Variants in FSTL5 observed in about 807,000 individuals in gnomAD.
FSTL5 encodes the protein follistatin like 5, also known as follistatin-related protein 5.
In FSTL5, 62 loss-of-function variants were observed where a neutral mutation model predicts 89.1. That is an observed-to-expected ratio of 0.70 (90% CI 0.57 to 0.86). The LOEUF (loss-of-function observed/expected upper bound fraction) is 0.86. Ranked by LOEUF, FSTL5 falls within the 40% of genes least tolerant of loss-of-function variation. The probability of loss-of-function intolerance (pLI) is 0.00; values close to 1 mark genes in which losing one functional copy is unlikely to be tolerated. For missense variants in FSTL5, 1,057 were observed against 1,001.6 expected (o/e 1.06, Z -0.75); for synonymous variants, 383 against 346.2 (o/e 1.11, Z -1.18).
chr4:161,454,911 GTT>G, intron 15 of FSTL5, 91 bp downstream of exon 15: 3 of 1,194,142 alleles, frequency 2.5e-6, no homozygotes, highest in Non-Finnish European at 3.6e-6. Context: ...ATGTGTATTT[GTT>G]TCATATCTAA....
intron 10 of FSTL5, among the ~76,000 whole-genome samples, chr4:161,523,794 T>C (rs1731113871): frequency 1.3e-5 from 2 of 152,084 alleles, no homozygotes; most frequent in Admixed American, 6.6e-5. Flanking sequence ...TGGTAATAAA[T>C]AAAATACTCA....
rs528785600 is a variant in FSTL5, at chr4:161,751,459, T to C, written c.727+7952A>G. On this transcript the variant is annotated intron_variant, in intron 6 of 15. Transcript: ENST00000306100. ...TGGTGCTGAGTGGTATTTCCCAAAA[T>C]AGCCAGGGGATAGCTATGAACTCTA... Among the ~76,000 whole-genome samples the C allele has an allele frequency of 8.5e-5, 13 of 152,220 alleles. No individual in the cohort carries two copies. In the South Asian group the frequency reaches 1.9e-3, roughly 22 times the overall value.
chr4:161,833,182 T>C (rs933679225), intron 4 of FSTL5, among the ~76,000 whole-genome samples: 40 of 151,986 alleles, frequency 2.6e-4, no homozygotes, highest in African/African-American at 9.4e-4. Flanking sequence ...TCCATGTAGT[T>C]GAGCGGTTTT....
intron 3 of FSTL5, among the ~76,000 whole-genome samples, chr4:161,997,826 G>A (rs931483077): frequency 6.6e-6 from 1 of 151,802 alleles, no homozygotes; most frequent in East Asian, 1.9e-4. Flanking sequence ...GGATGGTCTC[G>A]ATCTCCTGAC....
At chr4:161,936,892 C>G (rs1319826489) in intron 3 of FSTL5, among the ~76,000 whole-genome samples, 1 of 152,118 alleles carries the variant, frequency 6.6e-6, no homozygotes, top group Non-Finnish European at 1.5e-5. Flanking sequence ...CTTTGAAGAA[C>G]TTTTTATGTA....
At chr4:162,089,955 C>T (rs144132244) in intron 2 of FSTL5, among the ~76,000 whole-genome samples, 231 of 152,126 alleles carry the variant, frequency 1.5e-3, no homozygotes, top group African/African-American at 5.3e-3. Flanking sequence ...TTTTTTCCAT[C>T]CGATCTTCAA....
At chr4:161,860,118 C>G (rs1372546664) in intron 4 of FSTL5, among the ~76,000 whole-genome samples, 1 of 152,032 alleles carries the variant, frequency 6.6e-6, no homozygotes, top group Non-Finnish European at 1.5e-5. Context: ...GAAACCCCGT[C>G]TCTACTAAAA....
At chr4:161,441,574 G>A (rs572165777) in intron 15 of FSTL5, among the ~76,000 whole-genome samples, 89 of 152,118 alleles carry the variant, frequency 5.9e-4, no homozygotes, top group African/African-American at 2.1e-3. Flanking sequence ...TTGAACCAGG[G>A]AAAATTTCAC....
At chr4:161,715,000 T>A (rs931304966) in intron 6 of FSTL5, among the ~76,000 whole-genome samples, 1 of 152,150 alleles carries the variant, frequency 6.6e-6, no homozygotes, top group African/African-American at 2.4e-5. Flanking sequence ...GACTATTTTA[T>A]ATAAAACAAA....
At chr4:161,486,607 C>G (rs1033516530) in intron 12 of FSTL5, among the ~76,000 whole-genome samples, 1 of 152,062 alleles carries the variant, frequency 6.6e-6, no homozygotes, top group Non-Finnish European at 1.5e-5. Flanking sequence ...GAGTCCCTAC[C>G]CACTTGTTGT....
intron 6 of FSTL5, among the ~76,000 whole-genome samples, chr4:161,723,027 G>A (rs1245552827): frequency 6.6e-6 from 1 of 152,156 alleles, no homozygotes; most frequent in East Asian, 1.9e-4. Context: ...AAATCGGCAA[G>A]GCCAAGTCAT....
intron 1 of FSTL5, among the ~76,000 whole-genome samples, chr4:162,122,749 T>G (rs770048406): frequency 3.3e-5 from 5 of 152,140 alleles, no homozygotes; most frequent in Non-Finnish European, 7.4e-5. Context: ...ACACTCTTTA[T>G]GTACTTTATT....
chr4:161,947,287 T>C (rs1734763879), intron 3 of FSTL5, among the ~76,000 whole-genome samples: 2 of 150,798 alleles, frequency 1.3e-5, no homozygotes, highest in Admixed American at 1.3e-4. Flanking sequence ...TTGATGTTGC[T>C]TTTTGTGTGC....
intron 4 of FSTL5, among the ~76,000 whole-genome samples, chr4:161,911,909 T>C (rs191187805): frequency 1.2e-4 from 18 of 152,306 alleles, no homozygotes; most frequent in Admixed American, 5.2e-4. Context: ...CATAACTATC[T>C]GGATGATAAG....
chr4:161,753,016 T>C (rs752637243), intron 6 of FSTL5, among the ~76,000 whole-genome samples: 5 of 152,176 alleles, frequency 3.3e-5, no homozygotes, highest in Non-Finnish European at 7.3e-5. Flanking sequence ...TAAATTTCCA[T>C]TGTTGAAGCC....
intron 15 of FSTL5, among the ~76,000 whole-genome samples, chr4:161,437,564 T>TCAAAAAA (rs752658200): frequency 0.43 from 10,690 of 24,934 alleles, 1,346 homozygotes; most frequent in Middle Eastern, 0.5. Flanking sequence ...AGACTCCGTC[T>TCAAAAAA]CAAAAAAAAA....
intron 2 of FSTL5, among the ~76,000 whole-genome samples, chr4:162,045,522 T>G (rs1738136372): frequency 6.6e-6 from 1 of 152,096 alleles, no homozygotes. Context: ...TAATTAAAAA[T>G]TTTTAAAGAG....
At chr4:161,616,693 T>C (rs76130670) in intron 7 of FSTL5, among the ~76,000 whole-genome samples, 231 of 151,924 alleles carry the variant, frequency 1.5e-3, no homozygotes, top group Non-Finnish European at 2.7e-3. Context: ...TTGTGGCCTA[T>C]TGGGGGTGGG....
intron 4 of FSTL5, among the ~76,000 whole-genome samples, chr4:161,815,690 G>A (rs1730304407): frequency 6.6e-6 from 1 of 151,914 alleles, no homozygotes; most frequent in South Asian, 2.1e-4. Flanking sequence ...TAATTTCCTG[G>A]CCAGGAGTCA....
Sources: allele counts gnomAD v4.1 joint callset (sites outside exome capture counted in the v4.1 genomes callset), GRCh38; gene constraint gnomAD v4.1.1; transcripts MANE v1.5; gene names NCBI Gene and HGNC (gene_info 2026-07-23, HGNC 2026-07-21).